The following BAG4 variants were observed in gnomAD, a reference collection of about 807,000 sequenced individuals.
BAG4 encodes BAG family molecular chaperone regulator 4.
A neutral mutation model predicts 52.1 loss-of-function variants in BAG4; 28 were observed. That is an observed-to-expected ratio of 0.54 (90% confidence interval 0.40 to 0.74). The LOEUF is 0.74. BAG4 is among the 30% of genes least tolerant of loss of function. BAG4 has a pLI of 0.00. For missense variants in BAG4, 525 were observed against 572.0 expected (o/e 0.92, Z 0.84); for synonymous variants, 208 against 217.0 (o/e 0.96, Z 0.37).
intron 2 of BAG4, among the ~76,000 whole-genome samples, chr8:38,200,817 C>T (rs1337582256): frequency 4.6e-5 from 7 of 151,882 alleles, no homozygotes. Flanking sequence ...AGGCTGGTCT[C>T]GAACTCCGGA....
chr8:38,200,462 C>A (rs1229686115), intron 2 of BAG4, among the ~76,000 whole-genome samples: 1 of 152,170 alleles, frequency 6.6e-6, no homozygotes, highest in Non-Finnish European at 1.5e-5. Context: ...TGAGTCTCTC[C>A]AAAGAGATGG....
chr8:38,178,800 G>A (rs1803214012), intron 1 of BAG4, among the ~76,000 whole-genome samples: 1 of 152,106 alleles, frequency 6.6e-6, no homozygotes. Flanking sequence ...TTGGGGGACT[G>A]GCGGTGTAGG....
At chr8:38,200,009 C>CCT (rs1563283424) in intron 2 of BAG4, among the ~76,000 whole-genome samples, 2 of 141,302 alleles carry the variant, frequency 1.4e-5, no homozygotes, top group Non-Finnish European at 1.5e-5. Flanking sequence ...TTGGTACCCC[C>CCT]TTTTTTTTTT....
intron 1 of BAG4, among the ~76,000 whole-genome samples, chr8:38,192,031 G>A (rs1328509378): frequency 6.6e-6 from 1 of 152,150 alleles, no homozygotes; most frequent in African/African-American, 2.4e-5. Flanking sequence ...GGCTGCCAGC[G>A]GAAAGCTTAG....
chr8:38,201,327 C>T (rs768414217), intron 2 of BAG4, among the ~76,000 whole-genome samples: 2 of 151,944 alleles, frequency 1.3e-5, no homozygotes, highest in Non-Finnish European at 2.9e-5. Flanking sequence ...TTGTTTGTTT[C>T]TTGAGATAGA....
chr8:38,207,568 G>A lies in BAG4; in HGVS notation c.435G>A (p.Gly145=). 4 of 1,613,744 alleles carry A rather than the reference G, an allele frequency of 2.5e-6. No individual in the cohort carries two copies. Among genetic ancestry groups the A allele is most frequent in the Middle Eastern group, 1.7e-4 (1 of 6,016 alleles). ...GTCCAACATACCCCCCAGGCCCTGG[G>A]GCAAATACTGCCTCATACTCAGGGG... ...AYGPTYPPGP[G]ANTASYSGAY... The change falls in exon 3 of 5, where the codon GGG becomes GGA. Residue 145 remains glycine, a synonymous_variant. Coordinates refer to ENST00000287322, the MANE Select transcript of BAG4 (RefSeq NM_004874.4).
chr8:38,190,875 A>G lies in BAG4; in HGVS notation c.271-1813A>G, dbSNP rs964881126. 5.3e-5 allele frequency among the ~76,000 whole-genome samples: 8 copies of G among 151,064 alleles called. 1 individual carries two copies. Among genetic ancestry groups the G allele is most frequent in the African/African-American group, 2.0e-4 (8 of 40,978 alleles). On this transcript the variant is annotated intron_variant, in intron 1 of 4. Transcript: ENST00000287322. ...TGGGTTCAAGCTATTCTCGTGCCTC[A>G]GCTTCCTGAGTAGCTGAGATTACAG...
At position 38,176,898 on chromosome 8, in the gene BAG4, G is replaced by A. The variant is rs1803164504; in HGVS notation, c.29G>A (p.Gly10Asp). ...TCGGCCCTGAGGCGCTCGGGCTACGGCCCCAGTGACGGTCCGTCCTACGGC... is the reference window on the plus strand; with the variant it reads ...TCGGCCCTGAGGCGCTCGGGCTACGACCCCAGTGACGGTCCGTCCTACGGC... MSALRRSGYGPSDGPSYGRY... is the reference protein window; with the variant it reads MSALRRSGYDPSDGPSYGRY... Residue 10 changes from glycine (G) to aspartate (D), a missense_variant, in exon 1 of 5, where the codon GGC becomes GAC. Gly to Asp is a moderately conservative substitution (Grantham distance 94, BLOSUM62 -1). Around this residue, in one of 2 missense-constraint regions of BAG4, gnomAD observed 287 missense variants for 266.1 expected, o/e 1.08. Coordinates refer to ENST00000287322, the MANE Select transcript of BAG4 (RefSeq NM_004874.4). 6.5e-7 allele frequency: 1 copy of A among 1,546,568 alleles called. No homozygotes were observed. The highest frequency in any genetic ancestry group is 1.4e-5 in the African/African-American group (1 of 73,064).
chr8:38,201,851 TATATATATATATATATATATATATA>T (rs1803669559), intron 2 of BAG4: 5 of 5,852 alleles, frequency 8.5e-4, no homozygotes, highest in African/African-American at 1.7e-3. Flanking sequence ...TATATATATA[TATATATATATATATATATATATATA>T]TATATTTTTT....
Position 38,209,017 on chromosome 8 carries a change from C to G in BAG4, c.638C>G (p.Pro213Arg). The change falls in exon 4 of 5, where the codon CCT becomes CGT. Residue 213 changes from proline (P) to arginine (R), a missense_variant. Transcript: ENST00000287322. ...TATTTCTTCTTCTCAATCTAGAACC[C>G]TGGAATGACCCTGCCCCATTATCCT... ...QVPGYPPSQN[P>R]GMTLPHYPYG... is the part of the protein sequence containing the mutation. The G allele has an allele frequency of 6.2e-7, 1 of 1,613,058 alleles. No individual in the cohort carries two copies. The highest frequency in any genetic ancestry group is 8.5e-7 in the Non-Finnish European group (1 of 1,179,136).
intron 1 of BAG4, among the ~76,000 whole-genome samples, chr8:38,186,930 G>A (rs1803373858): frequency 6.6e-6 from 1 of 152,216 alleles, no homozygotes. Flanking sequence ...AAATAATCCA[G>A]CTGGTTACTA....
At chr8:38,188,935 G>A (rs989811457) in intron 1 of BAG4, among the ~76,000 whole-genome samples, 3 of 150,644 alleles carry the variant, frequency 2.0e-5, no homozygotes, top group African/African-American at 4.9e-5. Flanking sequence ...CTAGGACTAC[G>A]GGTGTGTGCC....
intron 1 of BAG4, among the ~76,000 whole-genome samples, chr8:38,183,719 C>T (rs552357392): frequency 1.3e-5 from 2 of 151,614 alleles, no homozygotes; most frequent in African/African-American, 4.9e-5. Context: ...AACAGGTTCT[C>T]ACTGTATTCC....
intron 2 of BAG4, chr8:38,203,896 C>A (rs1803726017): frequency 5.9e-5 from 9 of 151,780 alleles, no homozygotes; most frequent in Admixed American, 5.9e-4. Flanking sequence ...TGCATGAGAT[C>A]CCCTCCTTCG....
At chr8:38,197,453 A>T (rs1266905198) in intron 2 of BAG4, among the ~76,000 whole-genome samples, 1 of 152,242 alleles carries the variant, frequency 6.6e-6, no homozygotes, top group Non-Finnish European at 1.5e-5. Context: ...CAGTAAAAAT[A>T]CAGATAAAAG....
intron 1 of BAG4, among the ~76,000 whole-genome samples, chr8:38,180,810 T>C (rs185610060): frequency 7.2e-5 from 11 of 152,292 alleles, no homozygotes; most frequent in African/African-American, 2.4e-4. Flanking sequence ...GTGATTCATA[T>C]GCACATTAAT....
chr8:38,209,265 A>G lies in BAG4; in HGVS notation c.886A>G (p.Lys296Glu). 1 of 1,614,134 alleles carries G rather than the reference A, an allele frequency of 6.2e-7. No individual in the cohort carries two copies. The highest frequency in any genetic ancestry group is 8.5e-7 in the Non-Finnish European group (1 of 1,180,016). Residue 296 changes from lysine to glutamate, a missense_variant and splice_region_variant, in exon 4 of 5, where the codon AAG becomes GAG. Transcript: ENST00000287322. ...SPPSPPVQQP[K>E]DSSYPYSQSD... Reference sequence around the variant, plus strand: ...CCCTTCACCCCCAGTCCAGCAGCCCAAGGTAGGAGACCTAAATGTTGTTCC... The same window carrying G: ...CCCTTCACCCCCAGTCCAGCAGCCCGAGGTAGGAGACCTAAATGTTGTTCC...
intron 2 of BAG4, chr8:38,201,902 TTTTTTTTA>T: frequency 8.4e-6 from 1 of 119,044 alleles, no homozygotes; most frequent in Non-Finnish European, 1.7e-5. Context: ...TTTTTTTTTT[TTTTTTTTA>T]AGAAGCTGTT....
chr8:38,180,603 CTTTT>C (rs560012350), intron 1 of BAG4, among the ~76,000 whole-genome samples: 5 of 142,758 alleles, frequency 3.5e-5, no homozygotes, highest in African/African-American at 1.3e-4. Context: ...GTTATTTTGA[CTTTT>C]TTTTATGTTT....
Sources: gnomAD v4.1 joint callset for allele counts (sites outside exome capture counted in the v4.1 genomes callset) on GRCh38, gnomAD v4.1.1 for gene constraint, gnomAD v4.1.1 regional missense constraint, MANE v1.5 for transcripts, NCBI Gene and HGNC (gene_info 2026-07-23, HGNC 2026-07-21) for gene names.